Variants in LRP1B observed in about 807,000 individuals in gnomAD.
LRP1B encodes the protein LDL receptor related protein 1B.
Under a neutral mutation model 556.6 loss-of-function variants are expected in LRP1B, and 217 were observed. That is an observed-to-expected ratio of 0.39 (90% confidence interval 0.35 to 0.44). The LOEUF is 0.44. Among genes scored for constraint, LRP1B ranks in the 20% least tolerant of loss-of-function variants. LRP1B has a pLI of 1.00. For missense variants in LRP1B, 5,053 were observed against 5,620.8 expected, an observed-to-expected ratio of 0.90 and a Z score of 3.23; for synonymous variants, 2,047 against 1,865.8, an observed-to-expected ratio of 1.10 and a Z score of -2.50.
Position 141,797,611 on chromosome 2 carries a change from C to A in LRP1B, c.205+12668G>T, listed in dbSNP as rs564649213. Reference sequence around the variant, plus strand: ...CTTAAGTTTTATTGTTTTCTAAGTCCTTTTCCTAATGGAAGAGTTAGAACC... The same window carrying A: ...CTTAAGTTTTATTGTTTTCTAAGTCATTTTCCTAATGGAAGAGTTAGAACC... On this transcript the variant is annotated intron_variant, in intron 2 of 90. Transcript: ENST00000389484. Among the ~76,000 whole-genome samples the A allele has an allele frequency of 1.2e-4, 18 of 152,098 alleles. 1 individual carries two copies. The highest frequency in any genetic ancestry group is 4.3e-4 in the African/African-American group (18 of 41,522).
rs540356361 is a variant in LRP1B at position 140,873,985 on chromosome 2, A to G, written c.4170-5722T>C. The stretch of plus-strand genomic sequence containing the variant: ...TAAAGAGAAATAATTTTTATATGAG[A>G]AAGAGTCTTGTATAGTAGATTTAGT... On this transcript the variant is annotated intron_variant, in intron 25 of 90. Transcript: ENST00000389484. Among the ~76,000 whole-genome samples, 17 of 152,034 alleles carry G rather than the reference A, an allele frequency of 1.1e-4. 3 individuals carry two copies. The South Asian group carries it at 3.5e-3, about 31-fold the overall frequency.
At chr2:141,438,444 C>A (rs766970016) in intron 3 of LRP1B, among the ~76,000 whole-genome samples, 1 of 152,070 alleles carries the variant, frequency 6.6e-6, no homozygotes, top group Admixed American at 6.6e-5. Flanking sequence ...GTAGAATACA[C>A]GCATTTTTCA....
intron 3 of LRP1B, among the ~76,000 whole-genome samples, chr2:141,289,560 G>C (rs1437570481): frequency 2.0e-5 from 3 of 151,600 alleles, no homozygotes; most frequent in Admixed American, 6.6e-5. Context: ...ATTTAATATT[G>C]AGGCATATAT....
chr2:141,858,827 A>G (rs552931427), intron 1 of LRP1B, among the ~76,000 whole-genome samples: 2 of 152,174 alleles, frequency 1.3e-5, no homozygotes, highest in Non-Finnish European at 2.9e-5. Context: ...CTAAGAGGTT[A>G]AAAGATTTTC....
intron 83 of LRP1B, among the ~76,000 whole-genome samples, chr2:140,305,391 C>G (rs556029656): frequency 8.7e-4 from 132 of 152,152 alleles, no homozygotes; most frequent in African/African-American, 2.7e-3. Context: ...AAGTTGGATT[C>G]CTAGGTATTT....
intron 59 of LRP1B, among the ~76,000 whole-genome samples, chr2:140,484,622 A>G (rs530506760): frequency 2.1e-4 from 32 of 152,302 alleles, no homozygotes; most frequent in African/African-American, 7.7e-4. Context: ...CAGTGCAAAA[A>G]GTTAAAAAGT....
intron 37 of LRP1B, among the ~76,000 whole-genome samples, chr2:140,715,721 T>G (rs1057314318): frequency 6.6e-6 from 1 of 152,098 alleles, no homozygotes; most frequent in Non-Finnish European, 1.5e-5. Context: ...GAGATTTAAA[T>G]TGAGAATCTG....
At chr2:140,351,499 T>G (rs920038994) in intron 76 of LRP1B, among the ~76,000 whole-genome samples, 7 of 152,070 alleles carry the variant, frequency 4.6e-5, no homozygotes, top group Non-Finnish European at 5.9e-5. Context: ...CTTACTGTAT[T>G]TATACATCTT....
chr2:141,580,097 G>A (rs1223933876), intron 2 of LRP1B, among the ~76,000 whole-genome samples: 3 of 152,268 alleles, frequency 2.0e-5, no homozygotes, highest in African/African-American at 4.8e-5. Context: ...TGGTATTCAA[G>A]ATACTTTGAC....
At chr2:140,435,386 T>TC (rs1462481582) in intron 66 of LRP1B, among the ~76,000 whole-genome samples, 2 of 152,178 alleles carry the variant, frequency 1.3e-5, no homozygotes, top group African/African-American at 2.4e-5. Context: ...GATGAGTTTT[T>TC]CAAACAAAAA....
intron 15 of LRP1B, among the ~76,000 whole-genome samples, chr2:141,001,085 A>G (rs1480432563): frequency 6.6e-6 from 1 of 152,080 alleles, no homozygotes; most frequent in East Asian, 1.9e-4. Context: ...ATACTATTCA[A>G]ATGTTAGTAC....
At chr2:142,125,518 A>G (rs1222819782) in intron 1 of LRP1B, among the ~76,000 whole-genome samples, 1 of 151,826 alleles carries the variant, frequency 6.6e-6, no homozygotes, top group East Asian at 1.9e-4. Context: ...TAAAAACTCA[A>G]ATTATTTTTA....
intron 1 of LRP1B, among the ~76,000 whole-genome samples, chr2:142,126,776 C>T (rs373641236): frequency 1.3e-4 from 19 of 151,744 alleles, no homozygotes; most frequent in African/African-American, 4.4e-4. Context: ...ACATAAAAAA[C>T]TGGATCCATA....
At chr2:141,039,300 T>C (rs1698628864) in intron 11 of LRP1B, among the ~76,000 whole-genome samples, 1 of 152,066 alleles carries the variant, frequency 6.6e-6, no homozygotes, top group Non-Finnish European at 1.5e-5. Flanking sequence ...ACATTTATTA[T>C]AGCATGTTGT....
At chr2:142,041,791 C>A (rs1704075295) in intron 1 of LRP1B, among the ~76,000 whole-genome samples, 1 of 151,306 alleles carries the variant, frequency 6.6e-6, no homozygotes, top group Admixed American at 6.6e-5. Context: ...GACATAAAAT[C>A]CAAAAGGTTA....
chr2:141,849,758 T>G (rs1195640295), intron 1 of LRP1B, among the ~76,000 whole-genome samples: 1 of 151,668 alleles, frequency 6.6e-6, no homozygotes, highest in Non-Finnish European at 1.5e-5. Context: ...CTATTTTGTA[T>G]TAACCTGTCA....
At chr2:140,775,527 CA>C (rs1689465230) in intron 33 of LRP1B, among the ~76,000 whole-genome samples, 1 of 125,454 alleles carries the variant, frequency 8.0e-6, no homozygotes, top group Non-Finnish European at 1.6e-5. Context: ...GATTATGAAG[CA>C]AAAAGTAAGA....
intron 32 of LRP1B, among the ~76,000 whole-genome samples, chr2:140,790,469 GT>G (rs1690076798): frequency 6.6e-6 from 1 of 152,162 alleles, no homozygotes; most frequent in African/African-American, 2.4e-5. Context: ...CCTTAAGTAA[GT>G]GTGACGCTGG....
At chr2:141,922,987 T>C (rs2104977114) in intron 1 of LRP1B, among the ~76,000 whole-genome samples, 1 of 152,076 alleles carries the variant, frequency 6.6e-6, no homozygotes, top group Admixed American at 6.6e-5. Flanking sequence ...TAGTTCCTTC[T>C]ACTTGAAAGG....
Sources: allele counts gnomAD v4.1 joint callset (sites outside exome capture counted in the v4.1 genomes callset), GRCh38; gene constraint gnomAD v4.1.1; transcripts MANE v1.5; gene names NCBI Gene and HGNC (gene_info 2026-07-23, HGNC 2026-07-21).